Variants in IDH2 observed in about 807,000 individuals in gnomAD.
IDH2 encodes the protein isocitrate dehydrogenase [NADP], mitochondrial.
IDH2 carries 18 observed loss-of-function variants against 50.5 expected under a neutral mutation model. The ratio of observed to expected loss-of-function variants is 0.36; its 90% confidence interval spans 0.25 to 0.53. IDH2 has a LOEUF of 0.53. Ranked by LOEUF, IDH2 falls within the 20% of genes least tolerant of loss-of-function variation. The probability of loss-of-function intolerance (pLI) is 0.92; values close to 1 mark genes in which losing one functional copy is unlikely to be tolerated. For synonymous variants in IDH2, 280 were observed against 239.8 expected, an observed-to-expected ratio of 1.17 and a Z score of -1.55; for missense variants, 518 against 610.7, an observed-to-expected ratio of 0.85 and a Z score of 1.60.
rs747382357 is a variant in IDH2 at position 90,087,396 on chromosome 15, G to A, written c.815+43C>T. 3.7e-6 allele frequency: 6 copies of A among 1,613,788 alleles called. No homozygotes were observed. In the Admixed American group the frequency reaches 8.3e-5, roughly 22 times the overall value. On this transcript the variant is annotated intron_variant, in intron 6 of 10. Coordinates refer to ENST00000330062, the MANE Select transcript of IDH2 (RefSeq NM_002168.4). ...CAGGGTAGGATGGGAACAGCATGGGGGGAAGGGAAGAAAGGCCACAGAGTA... is the reference window on the plus strand; with the variant it reads ...CAGGGTAGGATGGGAACAGCATGGGAGGAAGGGAAGAAAGGCCACAGAGTA...
chr15:90,091,472 G>T, intron 2 of IDH2, 81 bp downstream of exon 2: 2 of 1,055,108 alleles, frequency 1.9e-6, no homozygotes, highest in Non-Finnish European at 1.5e-6. Context: ...CTAGGGACCT[G>T]CAGTCCAGAA....
At chr15:90,094,589 G>A (rs1335596533) in intron 1 of IDH2, among the ~76,000 whole-genome samples, 1 of 152,202 alleles carries the variant, frequency 6.6e-6, no homozygotes, top group East Asian at 1.9e-4. Context: ...ATCAGGTGAA[G>A]GGAAGAGAAT....
chr15:90,099,096 C>T (rs910586037), intron 1 of IDH2, among the ~76,000 whole-genome samples: 2 of 152,194 alleles, frequency 1.3e-5, no homozygotes, highest in African/African-American at 2.4e-5. Context: ...CAGGTCCAAG[C>T]CATCATCCTC....
In IDH2 at chr15:90,085,010, T is replaced by C. The variant is rs770852509; in HGVS notation, c.1169A>G (p.Asp390Gly). The part of the protein sequence containing the change: ...EHRGKLDGNQ[D>G]LIRFAQMLEK... ...CTCCCTCCATGCTCACCTGATGAGG[T>C]CTTGGTTCCCATCCAGCTTCCCCCG... Residue 390 changes from aspartate to glycine, a missense_variant, in exon 9 of 11, where the codon GAC becomes GGC. Asp to Gly is a moderately conservative substitution (Grantham distance 94, BLOSUM62 -1). This residue lies in a region of IDH2 where 135 missense variants were observed against 167.6 expected (regional missense o/e 0.81). Transcript: ENST00000330062. The surrounding 1 kb of genome is among the most constrained non-coding windows in gnomAD (Gnocchi z 5.5). 23 of 1,613,862 alleles carry C rather than the reference T, an allele frequency of 1.4e-5. No individual in the cohort carries two copies. The South Asian group carries it at 2.2e-4, about 15-fold the overall frequency.
chr15:90,098,531 C>CATGTATGTATGCATGCATGCATGT lies in IDH2; in HGVS notation c.115+3744_115+3745insACATGCATGCATGCATACATACAT, dbSNP rs1555462243. On this transcript the variant is annotated intron_variant, in intron 1 of 10. Transcript: ENST00000330062. This position sits in a 1 kb window ranked among gnomAD's most constrained non-coding sequence, Gnocchi z 5.1. ...GTATGTATGTATGTATGTATGCATG[C>CATGTATGTATGCATGCATGCATGT]ATGTATGTATGTATGTATGTATGTA... Among the ~76,000 whole-genome samples the CATGTATGTATGCATGCATGCATGT allele has an allele frequency of 8.2e-4, 113 of 138,460 alleles. No homozygotes were observed. The highest frequency in any genetic ancestry group is 3.5e-3 in the Middle Eastern group (1 of 286). 90.8% of individuals were successfully genotyped at this position (138,460 alleles called of 152,430 possible). A position where few individuals can be genotyped will look rare whatever the true frequency, so the allele number is the denominator to read the frequency against.
intron 1 of IDH2, among the ~76,000 whole-genome samples, chr15:90,101,581 G>A (rs1901332236): frequency 6.6e-6 from 1 of 151,996 alleles, no homozygotes; most frequent in Non-Finnish European, 1.5e-5. Context: ...GGTCTCTGCG[G>A]CGAGTGAGCC....
chr15:90,090,080 T>C (rs1296980618), intron 3 of IDH2, among the ~76,000 whole-genome samples: 2 of 86,934 alleles, frequency 2.3e-5, no homozygotes. Context: ...CACATCAGCA[T>C]TACCTTCCTC....
rs561576310 is a variant in IDH2, at chr15:90,098,261, C to G, written c.115+4015G>C. On this transcript the variant is annotated intron_variant, in intron 1 of 10. Transcript: ENST00000330062. This position sits in a 1 kb window ranked among gnomAD's most constrained non-coding sequence, Gnocchi z 5.1. Reference sequence around the variant, plus strand: ...TGACTCTCCTCCCTGTCTGGGGCTCCTAGCACCCAATACCAAGTAAGGATT... The same window carrying G: ...TGACTCTCCTCCCTGTCTGGGGCTCGTAGCACCCAATACCAAGTAAGGATT... Among the ~76,000 whole-genome samples the G allele has an allele frequency of 1.1e-3, 161 of 152,320 alleles. No individual in the cohort carries two copies. Among genetic ancestry groups the G allele is most frequent in the African/African-American group, 3.8e-3 (156 of 41,578 alleles).
Position 90,091,665 on chromosome 15 carries a change from C to T in IDH2, c.116-21G>A, listed in dbSNP as rs376211395. ...GGCATCTAGAAGCAGGGACACACAG[C>T]GCATCATGCCCCTGGGGAGGCTGGA... On this transcript the variant is annotated intron_variant, in intron 1 of 10. Coordinates refer to ENST00000330062, the MANE Select transcript of IDH2 (RefSeq NM_002168.4). The T allele has an allele frequency of 7.5e-5, 121 of 1,603,048 alleles. No homozygotes were observed. The African/African-American group carries it at 1.2e-3, about 16-fold the overall frequency.
In IDH2 at chr15:90,100,938, C is replaced by CTTT. The variant is rs35633367; in HGVS notation, c.115+1335_115+1337dup. ...TGTGTGTTTTTCGGGTTGTTTGTTT[C>CTTT]TTTTTTTTTTTTTTACCATCAAGGC... On this transcript the variant is annotated intron_variant, in intron 1 of 10. Coordinates refer to ENST00000330062, the MANE Select transcript of IDH2 (RefSeq NM_002168.4). This position sits in a 1 kb window ranked among gnomAD's most constrained non-coding sequence, Gnocchi z 4.1. 3.6e-4 allele frequency among the ~76,000 whole-genome samples: 53 copies of CTTT among 145,412 alleles called. No homozygotes were observed. Among genetic ancestry groups the CTTT allele is most frequent in the African/African-American group, 5.0e-4 (20 of 39,844 alleles).
Position 90,084,063 on chromosome 15 carries a change from G to C in IDH2, c.*203C>G, listed in dbSNP as rs1373094739. 3 of 601,242 alleles carry C rather than the reference G, an allele frequency of 5.0e-6. No individual in the cohort carries two copies. The highest frequency in any genetic ancestry group is 8.9e-6 in the Non-Finnish European group (3 of 335,860). The allele number at this position is 601,242 out of a possible 1,614,324, so 37.2% of individuals were successfully genotyped here. ...TTACAGTATGCAAAACATACTGACT[G>C]GCTGAGGTAAAACGCACTGCTCCTG... On this transcript the variant is annotated 3_prime_UTR_variant, in exon 11 of 11. Transcript: ENST00000330062. This position sits in a 1 kb window ranked among gnomAD's most constrained non-coding sequence, Gnocchi z 5.0.
In IDH2 at chr15:90,085,957, GACA is replaced by G. The variant is rs1312012900; in HGVS notation, c.968-573_968-571del. Among the ~76,000 whole-genome samples the G allele has an allele frequency of 6.6e-6, 1 of 152,162 alleles. No homozygotes were observed. The highest frequency in any genetic ancestry group is 1.5e-5 in the Non-Finnish European group (1 of 68,034). ...ATAAGGATTGAAGAAAGAAAACATG[GACA>G]ACATCTACAGGAAAATGCTTTGTCT... On this transcript the variant is annotated intron_variant, in intron 7 of 10. Coordinates refer to ENST00000330062, the MANE Select transcript of IDH2 (RefSeq NM_002168.4). The surrounding 1 kb of genome is among the most constrained non-coding windows in gnomAD (Gnocchi z 5.5).
chr15:90,101,455 G>A (rs1297743262), intron 1 of IDH2, among the ~76,000 whole-genome samples: 2 of 152,164 alleles, frequency 1.3e-5, no homozygotes, highest in South Asian at 2.1e-4. Flanking sequence ...ACGGAGGCTC[G>A]GGCTAAGTCT....
intron 1 of IDH2, among the ~76,000 whole-genome samples, chr15:90,099,414 A>C (rs777480254): frequency 6.6e-6 from 1 of 152,056 alleles, no homozygotes; most frequent in Non-Finnish European, 1.5e-5. Context: ...TGGCTGCCCT[A>C]TACAAACTTT....
intron 1 of IDH2, among the ~76,000 whole-genome samples, chr15:90,101,740 C>G (rs1458605526): frequency 6.6e-6 from 1 of 152,116 alleles, no homozygotes; most frequent in Non-Finnish European, 1.5e-5. Flanking sequence ...CTCCAGCTGT[C>G]GTGTAAAAGG....
rs1596081006 is a variant in IDH2, at chr15:90,098,541, T to G, written c.115+3735A>C. Among the ~76,000 whole-genome samples, 1 of 147,104 alleles carries G rather than the reference T, an allele frequency of 6.8e-6. No homozygotes were observed. On this transcript the variant is annotated intron_variant, in intron 1 of 10. Transcript: ENST00000330062. The surrounding 1 kb of genome is among the most constrained non-coding windows in gnomAD (Gnocchi z 5.1). ...ATGTATGTATGCATGCATGTATGTA[T>G]GTATGTATGTATGTATGTATTGAGA...
chr15:90,097,614 A>G (rs1901214976), intron 1 of IDH2, among the ~76,000 whole-genome samples: 1 of 152,204 alleles, frequency 6.6e-6, no homozygotes, highest in Non-Finnish European at 1.5e-5. Context: ...GGTACCTAGA[A>G]TAGTCAAATT....
In IDH2 at chr15:90,086,965, A is replaced by G. The variant is rs1900875226; in HGVS notation, c.967+147T>C. 4 of 813,064 alleles carry G rather than the reference A, an allele frequency of 4.9e-6. No homozygotes were observed. In the Admixed American group the frequency reaches 5.8e-5, roughly 12 times the overall value. The allele number at this position is 813,064 out of a possible 1,614,324, so 50.4% of individuals were successfully genotyped here. A position where few individuals can be genotyped will look rare whatever the true frequency, so the allele number is the denominator to read the frequency against. On this transcript the variant is annotated intron_variant, in intron 7 of 10. Coordinates refer to ENST00000330062, the MANE Select transcript of IDH2 (RefSeq NM_002168.4). The stretch of plus-strand genomic sequence containing the variant: ...TGTGATCCTCTCTCACTCAGATGCC[A>G]GGGAGCTCCTGCCCCCTGCTGTCCA...
In IDH2 at chr15:90,100,378, T is replaced by TA. The variant is rs1257113037; in HGVS notation, c.115+1897dup. The stretch of plus-strand genomic sequence containing the variant: ...TCCAAAGAGGCTTTTCCTCAGTACC[T>TA]ACTAGGCCTAAACACAACCACCCCA... On this transcript the variant is annotated intron_variant, in intron 1 of 10. Coordinates refer to ENST00000330062, the MANE Select transcript of IDH2 (RefSeq NM_002168.4). The surrounding 1 kb of genome is among the most constrained non-coding windows in gnomAD (Gnocchi z 4.1). 2.0e-5 allele frequency among the ~76,000 whole-genome samples: 3 copies of TA among 152,126 alleles called. No individual in the cohort carries two copies. Among genetic ancestry groups the TA allele is most frequent in the Non-Finnish European group, 4.4e-5 (3 of 68,018 alleles).
Sources: allele counts gnomAD v4.1 joint callset (sites outside exome capture counted in the v4.1 genomes callset), GRCh38; gene constraint gnomAD v4.1.1; regional missense constraint gnomAD v4.1.1; non-coding constraint Gnocchi (gnomAD v3.1); transcripts MANE v1.5; gene names NCBI Gene and HGNC (gene_info 2026-07-23, HGNC 2026-07-21).